The following GABRA4 variants were observed in gnomAD, a reference collection of about 807,000 sequenced individuals.
GABRA4 encodes the protein gamma-aminobutyric acid type A receptor subunit alpha4.
GABRA4 carries 12 observed loss-of-function variants against 49.7 expected under a neutral mutation model. The observed-to-expected ratio is 0.24, with a 90% confidence interval of 0.15 to 0.39. The LOEUF (loss-of-function observed/expected upper bound fraction) is 0.39. GABRA4 is among the 10% of genes least tolerant of loss of function. GABRA4 has a pLI of 1.00. For missense variants in GABRA4, 506 were observed against 686.0 expected (o/e 0.74, Z 2.93); for synonymous variants, 288 against 240.2 (o/e 1.20, Z -1.84).
intron 2 of GABRA4, 100 bp downstream of exon 2, chr4:46,992,728 G>C (rs1723803207): frequency 7.0e-6 from 6 of 862,458 alleles, no homozygotes; most frequent in Non-Finnish European, 1.2e-5. Context: ...ATTTATTTTT[G>C]CACGTGAGGC....
intron 7 of GABRA4, among the ~76,000 whole-genome samples, chr4:46,969,497 C>G (rs970719686): frequency 1.3e-5 from 2 of 151,474 alleles, no homozygotes; most frequent in South Asian, 2.1e-4. Context: ...TAATGAACAT[C>G]AAGAAGTTAG....
intron 8 of GABRA4, among the ~76,000 whole-genome samples, chr4:46,934,247 G>A (rs563346307): frequency 6.6e-6 from 1 of 152,152 alleles, no homozygotes; most frequent in Non-Finnish European, 1.5e-5. Flanking sequence ...GTAATATAAA[G>A]ACATTTATTC....
chr4:46,978,261 G>A (rs1411793527), intron 3 of GABRA4, among the ~76,000 whole-genome samples: 1 of 151,996 alleles, frequency 6.6e-6, no homozygotes, highest in Non-Finnish European at 1.5e-5. Flanking sequence ...GGAGGCAGAA[G>A]GGCTGGGATG....
intron 8 of GABRA4, among the ~76,000 whole-genome samples, chr4:46,964,436 A>T (rs1272459833): frequency 6.6e-6 from 1 of 151,872 alleles, no homozygotes; most frequent in Admixed American, 6.6e-5. Context: ...TTGTAACTCA[A>T]ATAATAAATA....
chr4:46,949,430 A>C (rs1553903567), intron 8 of GABRA4, among the ~76,000 whole-genome samples: 1 of 152,060 alleles, frequency 6.6e-6, no homozygotes, highest in Non-Finnish European at 1.5e-5. Context: ...AAGCAAGGAC[A>C]TTTTTTGTTC....
intron 7 of GABRA4, among the ~76,000 whole-genome samples, chr4:46,969,356 T>C (rs1039396083): frequency 6.6e-6 from 1 of 151,578 alleles, no homozygotes; most frequent in Non-Finnish European, 1.5e-5. Flanking sequence ...CAGAAATATT[T>C]GTATTTTTTT....
chr4:46,959,115 C>T (rs376758466), intron 8 of GABRA4, among the ~76,000 whole-genome samples: 10 of 151,972 alleles, frequency 6.6e-5, no homozygotes, highest in African/African-American at 2.4e-4. Flanking sequence ...CTTTTTCCTT[C>T]TTGATTTCTT....
In GABRA4 at chr4:46,919,290, CA is replaced by C. The variant is rs1333294376; in HGVS notation, c.*8934del. The stretch of plus-strand genomic sequence containing the variant: ...AATATTTGATAATGCTCCTTTTTTT[CA>C]AAATAAATTTGCAAAAACAAAATAA... On this transcript the variant is annotated 3_prime_UTR_variant, in exon 9 of 9. Coordinates refer to ENST00000264318, the MANE Select transcript of GABRA4 (RefSeq NM_000809.4). The C allele has an allele frequency of 6.6e-6, 1 of 151,060 alleles. No homozygotes were observed. Among genetic ancestry groups the C allele is most frequent in the Non-Finnish European group, 1.5e-5 (1 of 67,402 alleles). The allele number at this position is 151,060 out of a possible 1,614,324, so 9.4% of individuals were successfully genotyped here. A position where few individuals can be genotyped will look rare whatever the true frequency, so the allele number is the denominator to read the frequency against.
intron 8 of GABRA4, among the ~76,000 whole-genome samples, chr4:46,938,454 C>T (rs988054565): frequency 6.6e-6 from 1 of 152,060 alleles, no homozygotes; most frequent in Non-Finnish European, 1.5e-5. Context: ...AATCATTTAT[C>T]AAGGTGGGAT....
chr4:46,967,073 A>G (rs1274036503), intron 7 of GABRA4, among the ~76,000 whole-genome samples: 2 of 151,728 alleles, frequency 1.3e-5, no homozygotes, highest in African/African-American at 4.8e-5. Context: ...GCTACGTTTG[A>G]CAATAGATGA....
rs111448578 is a variant in GABRA4 at position 46,977,326 on chromosome 4, G to A, written c.494+84C>T. 4.1e-4 allele frequency: 292 copies of A among 711,724 alleles called. 1 individual carries two copies. The African/African-American group carries it at 5.2e-3, about 13-fold the overall frequency. 44.1% of individuals were successfully genotyped at this position (711,724 alleles called of 1,614,324 possible). A position where few individuals can be genotyped will look rare whatever the true frequency, so the allele number is the denominator to read the frequency against. ...GGAGGAAGGGAGGGAGGAAGGGAGG[G>A]AGGAAGGAAGGAAGGAAGGAAGAAA... On this transcript the variant is annotated intron_variant, in intron 4 of 8. Transcript: ENST00000264318.
At chr4:46,961,463 C>T (rs1399262477) in intron 8 of GABRA4, among the ~76,000 whole-genome samples, 5 of 151,828 alleles carry the variant, frequency 3.3e-5, no homozygotes, top group African/African-American at 7.3e-5. Flanking sequence ...GCCTCCTCTC[C>T]CTTGCCCCAC....
At chr4:46,987,673 C>A (rs1297878501) in intron 2 of GABRA4, among the ~76,000 whole-genome samples, 1 of 152,062 alleles carries the variant, frequency 6.6e-6, no homozygotes, top group African/African-American at 2.4e-5. Flanking sequence ...AATCAACTTA[C>A]ATATATCCAT....
At chr4:46,954,123 G>T (rs1396521418) in intron 8 of GABRA4, among the ~76,000 whole-genome samples, 1 of 152,058 alleles carries the variant, frequency 6.6e-6, no homozygotes, top group African/African-American at 2.4e-5. Flanking sequence ...TGTTTTTATT[G>T]CTGTTGGAGC....
intron 8 of GABRA4, among the ~76,000 whole-genome samples, chr4:46,932,228 T>G (rs1242432527): frequency 3.3e-5 from 5 of 152,130 alleles, no homozygotes; most frequent in Non-Finnish European, 7.3e-5. Context: ...AATCCCACTC[T>G]ATAAGAATTA....
rs114854980 is a variant in GABRA4 at position 46,979,175 on chromosome 4, G to A, written c.206-77C>T. ...GCTGGGAAGGTTAGATAATTACAGA[G>A]TAAATACAGATATGATATATCATGT... is the stretch of plus-strand genomic sequence containing the variant. On this transcript the variant is annotated intron_variant, in intron 2 of 8. Transcript: ENST00000264318. 6.3e-3 allele frequency: 5,379 copies of A among 849,548 alleles called. 44 individuals carry two copies. The highest frequency in any genetic ancestry group is 8.0e-3 in the Non-Finnish European group (3,999 of 502,800). 52.6% of individuals were successfully genotyped at this position (849,548 alleles called of 1,614,324 possible).
chr4:46,954,354 C>T (rs1414447691), intron 8 of GABRA4, among the ~76,000 whole-genome samples: 3 of 151,720 alleles, frequency 2.0e-5, no homozygotes, highest in Admixed American at 1.3e-4. Context: ...GTCAGGAGTT[C>T]GAGACCAGCC....
chr4:46,930,058 TA>T (rs773883006), intron 8 of GABRA4, among the ~76,000 whole-genome samples: 15 of 152,140 alleles, frequency 9.9e-5, no homozygotes, highest in Non-Finnish European at 1.8e-4. Flanking sequence ...TCATATCTCA[TA>T]AATCATGACT....
At chr4:46,970,224 T>C (rs1441175123) in intron 7 of GABRA4, among the ~76,000 whole-genome samples, 1 of 151,396 alleles carries the variant, frequency 6.6e-6, no homozygotes, top group Middle Eastern at 3.2e-3. Context: ...TAAAGGATAT[T>C]ATACCATGGC....
Sources: gnomAD v4.1 joint callset for allele counts (sites outside exome capture counted in the v4.1 genomes callset) on GRCh38, gnomAD v4.1.1 for gene constraint, MANE v1.5 for transcripts, NCBI Gene and HGNC (gene_info 2026-07-23, HGNC 2026-07-21) for gene names.